The following TENM1 variants were observed in gnomAD, a reference collection of about 807,000 sequenced individuals.
TENM1 encodes the protein teneurin-1.
A neutral mutation model predicts 174.8 loss-of-function variants in TENM1; 35 were observed. The ratio of observed to expected loss-of-function variants is 0.20; its 90% CI spans 0.15 to 0.27. The LOEUF (loss-of-function observed/expected upper bound fraction) is 0.27. TENM1 is among the 10% of genes least tolerant of loss of function. The pLI, the probability that TENM1 is intolerant of heterozygous loss-of-function variation, is 1.00. For missense variants in TENM1, 1,633 were observed against 2,130.1 expected (o/e 0.77, Z 4.59); for synonymous variants, 781 against 798.7 (o/e 0.98, Z 0.37).
chrX:125,157,807 A>G, the TENM1 span, among the ~76,000 whole-genome samples: 1 of 112,054 alleles, frequency 8.9e-6, no homozygotes, highest in African/African-American at 3.2e-5. Context: ...TATGTTTCCC[A>G]AAACACTTCA....
At chrX:124,631,012 A>T (rs1438274181) in intron 11 of TENM1, among the ~76,000 whole-genome samples, 1 of 112,158 alleles carries the variant, frequency 8.9e-6, no homozygotes, top group Non-Finnish European at 1.9e-5. Context: ...CCAGAAGAAT[A>T]CTTTCTTCAT....
the TENM1 span, among the ~76,000 whole-genome samples, chrX:125,139,860 A>ACG: frequency 0.022 from 1,386 of 61,917 alleles, 82 homozygotes; most frequent in Admixed American, 0.18. Context: ...ACACACACGG[A>ACG]GAGAGAGAGA....
chrX:124,964,558 G>A (rs1000625661), upstream of TENM1, among the ~76,000 whole-genome samples: 1 of 111,157 alleles, frequency 9.0e-6, no homozygotes, highest in African/African-American at 3.3e-5. Flanking sequence ...ATAAATCACC[G>A]AAAGAACCCC....
intron 14 of TENM1, among the ~76,000 whole-genome samples, chrX:124,559,611 T>A (rs922190452): frequency 1.8e-5 from 2 of 110,396 alleles, no homozygotes; most frequent in Non-Finnish European, 3.8e-5. Context: ...GAGGTTGCAG[T>A]GAGCTGAGAT....
chrX:124,894,634 G>A (rs1299901197), intron 2 of TENM1, among the ~76,000 whole-genome samples: 1 of 111,656 alleles, frequency 9.0e-6, no homozygotes, highest in Non-Finnish European at 1.9e-5. Flanking sequence ...GAATAGCAGA[G>A]CCCAGTGGGG....
intron 14 of TENM1, among the ~76,000 whole-genome samples, chrX:124,549,884 T>A (rs1469161732): frequency 9.4e-6 from 1 of 106,375 alleles, no homozygotes; most frequent in Non-Finnish European, 1.9e-5. Context: ...ACTGAATATG[T>A]GCCTTGTTTT....
At position 124,540,081 on chromosome X, in the gene TENM1, T is replaced by C. The variant is rs761181848; in HGVS notation, c.2651+6793A>G. On this transcript the variant is annotated intron_variant, in intron 15 of 31. Coordinates refer to ENST00000422452, the Ensembl canonical transcript of TENM1. ...TAGAAATCTGATGTTCCATGATCCATAGACTTACTGCAATTCATAATTATT... is the reference window on the plus strand; with the variant it reads ...TAGAAATCTGATGTTCCATGATCCACAGACTTACTGCAATTCATAATTATT... Among the ~76,000 whole-genome samples, 7 of 112,498 alleles carry C rather than the reference T, an allele frequency of 6.2e-5. No homozygotes were observed. The East Asian group carries it at 8.4e-4, about 13-fold the overall frequency.
chrX:124,888,498 T>A lies in TENM1; in HGVS notation c.535+5798A>T, dbSNP rs1375707961. On this transcript the variant is annotated intron_variant, in intron 3 of 31. Coordinates refer to ENST00000422452, the Ensembl canonical transcript of TENM1. ...ACTTCCTCTCACAGTCTTCTAAGTT[T>A]AGCAGAACAAGGTTGTTGCCTATTA... is the stretch of plus-strand genomic sequence containing the variant. Among the ~76,000 whole-genome samples, 9 of 111,979 alleles carry A rather than the reference T, an allele frequency of 8.0e-5. No homozygotes were observed. The Admixed American group carries it at 8.6e-4, about 11-fold the overall frequency.
chrX:124,406,975 A>G (rs1178361028), intron 25 of TENM1, among the ~76,000 whole-genome samples: 1 of 112,104 alleles, frequency 8.9e-6, no homozygotes, highest in Non-Finnish European at 1.9e-5. Flanking sequence ...TAAGTTGCCA[A>G]ATTTGAAATG....
chrX:124,599,013 A>T (rs1333122914), intron 11 of TENM1, among the ~76,000 whole-genome samples: 1 of 111,531 alleles, frequency 9.0e-6, no homozygotes, highest in East Asian at 2.8e-4. Flanking sequence ...TATCTTTTGC[A>T]TCCCATAAAT....
chrX:124,643,040 G>A (rs73558368), intron 10 of TENM1, among the ~76,000 whole-genome samples: 2 of 111,130 alleles, frequency 1.8e-5, no homozygotes, highest in East Asian at 2.8e-4. Context: ...TAGCCCAAGA[G>A]CTTGGAGTCA....
intron 23 of TENM1, among the ~76,000 whole-genome samples, chrX:124,445,322 C>T (rs777226841): frequency 8.9e-6 from 1 of 111,850 alleles, no homozygotes; most frequent in South Asian, 3.8e-4. Context: ...GGAGGTAGTA[C>T]TAATTCCCTA....
At chrX:125,178,415 A>G in the TENM1 span, among the ~76,000 whole-genome samples, 4,203 of 111,084 alleles carry the variant, frequency 0.038, 229 homozygotes, top group African/African-American at 0.13. Flanking sequence ...AAAATTCCCT[A>G]TATTATTCCT....
In TENM1 at chrX:124,664,679, G is replaced by GGTGTGT. The variant is rs576286188; in HGVS notation, c.1168+6998_1168+7003dup. Among the ~76,000 whole-genome samples the GGTGTGT allele has an allele frequency of 4.1e-3, 355 of 86,960 alleles. 2 individuals carry two copies. The highest frequency in any genetic ancestry group is 0.011 in the African/African-American group (252 of 23,147). 75.5% of individuals were successfully genotyped at this position (86,960 alleles called of 115,157 possible). A position where few individuals can be genotyped will look rare whatever the true frequency, so the allele number is the denominator to read the frequency against. On this transcript the variant is annotated intron_variant, in intron 6 of 31. Coordinates refer to ENST00000422452, the Ensembl canonical transcript of TENM1. ...TTTCAATTCCCAAGAGTACTTGTGG[G>GGTGTGT]GTGTGTGTGTGTGTGTGTGTGTGTG...
At chrX:124,535,757 G>A (rs2048193289) in intron 15 of TENM1, among the ~76,000 whole-genome samples, 1 of 112,117 alleles carries the variant, frequency 8.9e-6, no homozygotes, top group South Asian at 3.7e-4. Flanking sequence ...GATGTACACA[G>A]CACATGCTCA....
intron 15 of TENM1, among the ~76,000 whole-genome samples, chrX:124,546,109 G>A (rs1374142194): frequency 9.0e-6 from 1 of 111,676 alleles, no homozygotes. Context: ...CTGAGGGAGT[G>A]GGATGTAGAC....
intron 22 of TENM1, among the ~76,000 whole-genome samples, chrX:124,474,021 T>C (rs2061362356): frequency 9.0e-6 from 1 of 111,191 alleles, no homozygotes; most frequent in Non-Finnish European, 1.9e-5. Flanking sequence ...CCATCCTACC[T>C]TGACTCTTGC....
chrX:125,137,813 G>C, the TENM1 span, among the ~76,000 whole-genome samples: 1 of 110,656 alleles, frequency 9.0e-6, no homozygotes, highest in East Asian at 2.8e-4. Flanking sequence ...AACTCTAGAA[G>C]AGTTACTCTA....
rs544310947 is a variant in TENM1 at position 124,797,390 on chromosome X, T to C, written c.536-60193A>G. ...TTTTAGGATACCTTCTTCCACTGGC[T>C]TTTTAGTCACTAGGTATTCCTAGAG... On this transcript the variant is annotated intron_variant, in intron 3 of 31. Coordinates refer to ENST00000422452, the Ensembl canonical transcript of TENM1. 7.2e-5 allele frequency among the ~76,000 whole-genome samples: 8 copies of C among 111,673 alleles called. No homozygotes were observed. In the South Asian group the frequency reaches 3.0e-3, roughly 42 times the overall value.
Sources: gnomAD v4.1 joint callset for allele counts (sites outside exome capture counted in the v4.1 genomes callset) on GRCh38, gnomAD v4.1.1 for gene constraint, MANE v1.5 for transcripts, NCBI Gene and HGNC (gene_info 2026-07-23, HGNC 2026-07-21) for gene names.